Variants in TMEM132C observed in about 807,000 individuals in gnomAD.
The protein encoded by TMEM132C is transmembrane protein 132C.
TMEM132C carries 29 observed loss-of-function variants against 61.4 expected under a neutral mutation model. The observed-to-expected ratio is 0.47, with a 90% CI of 0.35 to 0.64. The LOEUF (loss-of-function observed/expected upper bound fraction) is 0.64. Ranked by LOEUF, TMEM132C falls within the 30% of genes least tolerant of loss-of-function variation. The probability of loss-of-function intolerance (pLI) is 0.00; values close to 1 mark genes in which losing one functional copy is unlikely to be tolerated. For synonymous variants in TMEM132C, 656 were observed against 633.1 expected, an observed-to-expected ratio of 1.04 and a Z score of -0.54; for missense variants, 1,408 against 1,476.9, an observed-to-expected ratio of 0.95 and a Z score of 0.76.
At chr12:128,314,780 GCCCTGCTGACA>G (rs1159205143) in intron 1 of TMEM132C, among the ~76,000 whole-genome samples, 1 of 152,122 alleles carries the variant, frequency 6.6e-6, no homozygotes, top group African/African-American at 2.4e-5. Flanking sequence ...AGCAGAACCA[GCCCTGCTGACA>G]CCCTGATTTT....
At chr12:128,513,251 G>A (rs959906751) in intron 2 of TMEM132C, among the ~76,000 whole-genome samples, 1 of 152,140 alleles carries the variant, frequency 6.6e-6, no homozygotes, top group African/African-American at 2.4e-5. Context: ...CCTGAAGTGG[G>A]AAGGTCCATG....
intron 2 of TMEM132C, among the ~76,000 whole-genome samples, chr12:128,448,986 A>G (rs1475594728): frequency 2.0e-5 from 3 of 151,702 alleles, no homozygotes; most frequent in Non-Finnish European, 2.9e-5. Flanking sequence ...AAATACAAAA[A>G]ATTAGCCAGG....
intron 1 of TMEM132C, among the ~76,000 whole-genome samples, chr12:128,308,205 CCAGT>C (rs1871846977): frequency 1.3e-5 from 2 of 152,212 alleles, no homozygotes; most frequent in Non-Finnish European, 2.9e-5. Context: ...GCTCCTAAAT[CCAGT>C]CTCTTTGGGA....
intron 1 of TMEM132C, among the ~76,000 whole-genome samples, chr12:128,381,305 A>G (rs1270770554): frequency 6.6e-6 from 1 of 152,206 alleles, no homozygotes; most frequent in African/African-American, 2.4e-5. Flanking sequence ...AATCCCACAA[A>G]TGATGGGGCT....
intron 2 of TMEM132C, among the ~76,000 whole-genome samples, chr12:128,519,314 AAG>A (rs1278765186): frequency 6.6e-6 from 1 of 152,206 alleles, no homozygotes; most frequent in East Asian, 1.9e-4. Flanking sequence ...TTCAGAGTGA[AAG>A]AATGTGTTAG....
At chr12:128,511,986 C>T (rs1872578873) in intron 2 of TMEM132C, among the ~76,000 whole-genome samples, 1 of 152,214 alleles carries the variant, frequency 6.6e-6, no homozygotes, top group African/African-American at 2.4e-5. Flanking sequence ...CCTCTCTGGC[C>T]TGACACTCCC....
intron 2 of TMEM132C, among the ~76,000 whole-genome samples, chr12:128,478,128 A>G (rs1871210162): frequency 6.6e-6 from 1 of 152,214 alleles, no homozygotes; most frequent in African/African-American, 2.4e-5. Context: ...AAATAGGTGA[A>G]GCATCTCTAT....
intron 1 of TMEM132C, among the ~76,000 whole-genome samples, chr12:128,355,571 C>T (rs189264854): frequency 2.6e-5 from 4 of 152,092 alleles, no homozygotes; most frequent in African/African-American, 9.6e-5. Context: ...TGACACCCTC[C>T]ATGGCTCCCA....
At chr12:128,429,561 C>T (rs767859567) in intron 2 of TMEM132C, among the ~76,000 whole-genome samples, 5 of 152,170 alleles carry the variant, frequency 3.3e-5, no homozygotes, top group East Asian at 3.8e-4. Flanking sequence ...AAATGCTCCT[C>T]CCAGATGTTG....
intron 1 of TMEM132C, among the ~76,000 whole-genome samples, chr12:128,383,941 G>C (rs1874496677): frequency 6.6e-6 from 1 of 152,272 alleles, no homozygotes; most frequent in South Asian, 2.1e-4. Context: ...AACTGCATCT[G>C]TTTAGCTGGC....
chr12:128,662,249 T>G (rs779755502), intron 4 of TMEM132C, among the ~76,000 whole-genome samples: 11 of 152,172 alleles, frequency 7.2e-5, no homozygotes, highest in Non-Finnish European at 1.0e-4. Context: ...GTGGGTGAAT[T>G]TGGCCTCCCT....
At chr12:128,401,256 A>C (rs1875148389) in intron 1 of TMEM132C, among the ~76,000 whole-genome samples, 2 of 152,248 alleles carry the variant, frequency 1.3e-5, no homozygotes, top group African/African-American at 4.8e-5. Flanking sequence ...AAAGTTTGCC[A>C]ACCCCTGGAT....
In TMEM132C at chr12:128,347,874, C is replaced by A. The variant is rs898776881; in HGVS notation, c.86-66858C>A. Among the ~76,000 whole-genome samples the A allele has an allele frequency of 4.6e-5, 7 of 152,322 alleles. No individual in the cohort carries two copies. In the East Asian group the frequency reaches 1.4e-3, roughly 29 times the overall value. Reference sequence around the variant, plus strand: ...TCGTGGTTGTACTAGTTTACATTCCCACCAGCAGTGTAATGTCTTCCTTTT... The same window carrying A: ...TCGTGGTTGTACTAGTTTACATTCCAACCAGCAGTGTAATGTCTTCCTTTT... On this transcript the variant is annotated intron_variant, in intron 1 of 8. Coordinates refer to ENST00000435159, the MANE Select transcript of TMEM132C (RefSeq NM_001136103.3).
At chr12:128,283,065 G>A (rs1457962384) in intron 1 of TMEM132C, among the ~76,000 whole-genome samples, 2 of 152,178 alleles carry the variant, frequency 1.3e-5, no homozygotes, top group Non-Finnish European at 2.9e-5. Context: ...CAGAGTCTAC[G>A]TGATGATCCT....
chr12:128,510,473 C>T (rs1036649763), intron 2 of TMEM132C, among the ~76,000 whole-genome samples: 4 of 152,194 alleles, frequency 2.6e-5, no homozygotes, highest in East Asian at 1.9e-4. Context: ...CATCTCTTTC[C>T]GGGCTAAGGC....
chr12:128,602,418 G>T (rs1324956545), intron 3 of TMEM132C, among the ~76,000 whole-genome samples: 1 of 152,208 alleles, frequency 6.6e-6, no homozygotes, highest in South Asian at 2.1e-4. Flanking sequence ...TTGAAACTTG[G>T]TTGATTCAAC....
chr12:128,415,187 G>A lies in TMEM132C; in HGVS notation c.541G>A (p.Val181Met), dbSNP rs766945767. Residue 181 changes from valine to methionine, a missense_variant, in exon 2 of 9, where the codon GTG (valine) becomes ATG (methionine). Transcript: ENST00000435159. This position sits in a 1 kb window ranked among gnomAD's most constrained non-coding sequence, Gnocchi z 5.8. ...CTTTGCTTTCCGAGAAACCAGAGAG[G>A]TGCGGGGCAGCTGCCGGCTGAAGGG... ...RVFAFRETRE[V>M]RGSCRLKGDL... 1.2e-6 allele frequency: 2 copies of A among 1,610,896 alleles called. No individual in the cohort carries two copies. The highest frequency in any genetic ancestry group is 1.3e-5 in the African/African-American group (1 of 74,764).
At chr12:128,572,218 T>G (rs573052674) in intron 3 of TMEM132C, among the ~76,000 whole-genome samples, 1 of 152,206 alleles carries the variant, frequency 6.6e-6, no homozygotes, top group South Asian at 2.1e-4. Flanking sequence ...TGGCCTCTGG[T>G]TGGCCAGGCC....
intron 2 of TMEM132C, among the ~76,000 whole-genome samples, chr12:128,474,380 A>C (rs11059708): frequency 1.3e-5 from 2 of 152,072 alleles, no homozygotes; most frequent in African/African-American, 4.8e-5. Context: ...CAGCTCCCTC[A>C]ATTGTTGCTC....
Sources: gnomAD v4.1 joint callset for allele counts (sites outside exome capture counted in the v4.1 genomes callset) on GRCh38, gnomAD v4.1.1 for gene constraint, Gnocchi (gnomAD v3.1) non-coding constraint, MANE v1.5 for transcripts, NCBI Gene and HGNC (gene_info 2026-07-23, HGNC 2026-07-21) for gene names.